CSF1R: variants seen among roughly 807,000 people sequenced by gnomAD.
CSF1R encodes colony stimulating factor 1 receptor.
In CSF1R, 40 loss-of-function variants were observed where a neutral mutation model predicts 110.0. The ratio of observed to expected loss-of-function variants is 0.36; its 90% CI spans 0.28 to 0.47. CSF1R has a LOEUF of 0.47. CSF1R is among the 20% of genes least tolerant of loss of function. CSF1R has a pLI of 0.99. For missense variants in CSF1R, 1,052 were observed against 1,253.0 expected, an observed-to-expected ratio of 0.84 and a Z score of 2.42; for synonymous variants, 523 against 503.4, an observed-to-expected ratio of 1.04 and a Z score of -0.52.
At chr5:150,076,980 A>C (rs995925815) in intron 5 of CSF1R, 1 of 446,770 alleles carries the variant, frequency 2.2e-6, no homozygotes. Flanking sequence ...AGAATGAACA[A>C]ATGAAGTCCA....
intron 10 of CSF1R, among the ~76,000 whole-genome samples, chr5:150,062,327 A>G (rs1156917666): frequency 6.8e-6 from 1 of 146,792 alleles, no homozygotes; most frequent in Non-Finnish European, 1.5e-5. Flanking sequence ...ATGGTTCAGT[A>G]GTATTAAGTA....
chr5:150,074,737 G>T (rs1758187666), intron 5 of CSF1R, among the ~76,000 whole-genome samples: 1 of 152,022 alleles, frequency 6.6e-6, no homozygotes, highest in Non-Finnish European at 1.5e-5. Context: ...CTACTCAAAA[G>T]CCCTCTATGG....
In CSF1R at chr5:150,068,232, A is replaced by G. The variant is rs1302128720; in HGVS notation, c.1609T>C (p.Leu537=). Reference sequence around the variant, plus strand: ...CGGCTCACCTGCTTATACTTGTACAATAGCAGCAGGAGCAGCAGCAGCAGC... The same window carrying G: ...CGGCTCACCTGCTTATACTTGTACAGTAGCAGCAGGAGCAGCAGCAGCAGC... ...ALLLLLLLLL[L]YKYKQKPKYQ... The change falls in exon 10 of 21, where the codon TTG becomes CTG. Residue 537 remains leucine (L), a synonymous_variant. Transcript: ENST00000675795. 1 of 1,611,754 alleles carries G rather than the reference A, an allele frequency of 6.2e-7. No homozygotes were observed.
intron 5 of CSF1R, among the ~76,000 whole-genome samples, chr5:150,076,482 A>T (rs909061825): frequency 8.5e-5 from 13 of 152,150 alleles, no homozygotes; most frequent in Admixed American, 2.6e-4. Flanking sequence ...TCCTTGGCAG[A>T]CTCAGGTTGG....
At chr5:150,055,034 A>G (rs1404855581) in intron 19 of CSF1R, among the ~76,000 whole-genome samples, 4 of 149,772 alleles carry the variant, frequency 2.7e-5, no homozygotes, top group African/African-American at 9.8e-5. Flanking sequence ...GTCGGTTAGG[A>G]CCAGCCCTAG....
intron 1 of CSF1R, among the ~76,000 whole-genome samples, chr5:150,103,906 CCTGGAGGCCT>C (rs1256811565): frequency 6.6e-6 from 1 of 152,154 alleles, no homozygotes; most frequent in Non-Finnish European, 1.5e-5. Context: ...TCCTTAATGG[CCTGGAGGCCT>C]CTAGAGGGGT....
At position 150,083,971 on chromosome 5, in the gene CSF1R, A is replaced by G. The variant is rs193091452; in HGVS notation, c.49+2408T>C. ...CTCGAATTCATCCAGAATGGCACAG[A>G]CCACAGAATGTTTTTGTGACTCCAT... On this transcript the variant is annotated intron_variant, in intron 1 of 20. Coordinates refer to ENST00000675795, the MANE Select transcript of CSF1R (RefSeq NM_001288705.3). 2.2e-3 allele frequency among the ~76,000 whole-genome samples: 335 copies of G among 152,262 alleles called. 1 individual carries two copies. The highest frequency in any genetic ancestry group is 6.8e-3 in the Middle Eastern group (2 of 294).
intron 1 of CSF1R, among the ~76,000 whole-genome samples, chr5:150,111,120 T>C (rs1017952936): frequency 4.6e-5 from 7 of 152,146 alleles, no homozygotes; most frequent in African/African-American, 1.7e-4. Flanking sequence ...ACATTATAAC[T>C]AAAATAAAAG....
At chr5:150,096,049 T>A (rs1290282475) in intron 1 of CSF1R, among the ~76,000 whole-genome samples, 1 of 152,160 alleles carries the variant, frequency 6.6e-6, no homozygotes, top group African/African-American at 2.4e-5. Flanking sequence ...AAAAAACTCT[T>A]CAGGTTCAAG....
intron 3 of CSF1R, among the ~76,000 whole-genome samples, chr5:150,079,754 C>T (rs966140600): frequency 3.3e-5 from 5 of 152,090 alleles, no homozygotes; most frequent in Admixed American, 3.3e-4. Context: ...TGAGGCTCCC[C>T]GCCCTACACA....
chr5:150,054,996 A>AAG (rs1425108624), intron 19 of CSF1R, among the ~76,000 whole-genome samples: 2 of 149,960 alleles, frequency 1.3e-5, no homozygotes, highest in African/African-American at 2.5e-5. Context: ...GCTGTCTCAA[A>AAG]AAAAAAAAAA....
In CSF1R at chr5:150,071,821, A is replaced by G. The variant is rs574249510; in HGVS notation, c.1083-1250T>C. ...AGAACTTCTGCTTTAAATGAGAGGA[A>G]GACAGAGACCTGGCCAGAAAGGACC... On this transcript the variant is annotated intron_variant, in intron 6 of 20. Coordinates refer to ENST00000675795, the MANE Select transcript of CSF1R (RefSeq NM_001288705.3). 5.9e-5 allele frequency among the ~76,000 whole-genome samples: 9 copies of G among 152,310 alleles called. No individual in the cohort carries two copies. The East Asian group carries it at 1.5e-3, about 26-fold the overall frequency.
chr5:150,105,055 A>G (rs184790605), intron 1 of CSF1R, among the ~76,000 whole-genome samples: 131 of 151,232 alleles, frequency 8.7e-4, no homozygotes, highest in South Asian at 4.8e-3. Flanking sequence ...ATTTTTTAAT[A>G]TTTTTGACAG....
intron 1 of CSF1R, among the ~76,000 whole-genome samples, chr5:150,096,367 G>A (rs58020611): frequency 0.024 from 3,590 of 152,234 alleles, 155 homozygotes; most frequent in African/African-American, 0.083. Context: ...TCCAGCCTGG[G>A]CAACAAGACT....
intron 18 of CSF1R, 145 bp downstream of exon 18, chr5:150,055,881 C>T (rs961057934): frequency 1.2e-5 from 8 of 690,350 alleles, no homozygotes; most frequent in Non-Finnish European, 1.5e-5. Context: ...GCAGGAGCCA[C>T]GATGCTGGGT....
intron 1 of CSF1R, among the ~76,000 whole-genome samples, chr5:150,084,172 AC>A (rs1758692648): frequency 6.6e-6 from 1 of 151,726 alleles, no homozygotes; most frequent in African/African-American, 2.4e-5. Flanking sequence ...CCCTGTCTCT[AC>A]CAAAAATAAA....
chr5:150,071,146 A>G (rs67846519), intron 6 of CSF1R, among the ~76,000 whole-genome samples: 17,843 of 152,152 alleles, frequency 0.12, 1,538 homozygotes, highest in East Asian at 0.32. Flanking sequence ...GGATTAAAGG[A>G]CCTTTTTAGG....
chr5:150,109,986 T>G (rs958731273), intron 1 of CSF1R, among the ~76,000 whole-genome samples: 1 of 152,184 alleles, frequency 6.6e-6, no homozygotes, highest in African/African-American at 2.4e-5. Flanking sequence ...GATTCTCCAT[T>G]TTAAAGTTTA....
intron 6 of CSF1R, among the ~76,000 whole-genome samples, chr5:150,070,858 G>A (rs973402757): frequency 2.6e-5 from 4 of 152,124 alleles, no homozygotes; most frequent in South Asian, 2.1e-4. Flanking sequence ...GGTCGCCTAC[G>A]TTGACCACTG....
Sources: allele counts gnomAD v4.1 joint callset (sites outside exome capture counted in the v4.1 genomes callset), GRCh38; gene constraint gnomAD v4.1.1; transcripts MANE v1.5; gene names NCBI Gene and HGNC (gene_info 2026-07-23, HGNC 2026-07-21).